Variants in HMX3 observed in about 807,000 individuals in gnomAD.
HMX3 encodes the protein H6 family homeobox 3.
Under a neutral mutation model 22.8 loss-of-function variants are expected in HMX3, and 8 were observed. The observed-to-expected ratio is 0.35, with a 90% CI of 0.21 to 0.63. HMX3 has a LOEUF of 0.63. Ranked by LOEUF, HMX3 falls within the 30% of genes least tolerant of loss-of-function variation. The pLI is 0.72. For synonymous variants in HMX3, 331 were observed against 250.9 expected (o/e 1.32, Z -3.02); for missense variants, 527 against 520.6 (o/e 1.01, Z -0.12).
Position 123,136,253 on chromosome 10 carries a change from C to A in HMX3, c.203C>A (p.Ala68Asp). 7.4e-7 allele frequency: 1 copy of A among 1,358,208 alleles called. No individual in the cohort carries two copies. Among genetic ancestry groups the A allele is most frequent in the Non-Finnish European group, 9.4e-7 (1 of 1,058,222 alleles). The allele number at this position is 1,358,208 out of a possible 1,614,324, so 84.1% of individuals were successfully genotyped here. A position where few individuals can be genotyped will look rare whatever the true frequency, so the allele number is the denominator to read the frequency against. Reference protein sequence around the residue: ...PASAAAAAAAAAAAAAKGALE... With the variant: ...PASAAAAAAADAAAAAKGALE... Reference sequence around the variant, plus strand: ...TCGGCTGCCGCCGCCGCCGCCGCTGCCGCTGCCGCGGCGGCCAAGGGGGCC... The same window carrying A: ...TCGGCTGCCGCCGCCGCCGCCGCTGACGCTGCCGCGGCGGCCAAGGGGGCC... The change falls in exon 1 of 2, where the codon GCC becomes GAC. Residue 68 changes from alanine (A) to aspartate (D), a missense_variant. Physicochemically the swap from Ala to Asp is moderately radical, Grantham distance 126. Coordinates refer to ENST00000357878, the MANE Select transcript of HMX3 (RefSeq NM_001105574.2). This position sits in a 1 kb window ranked among gnomAD's most constrained non-coding sequence, Gnocchi z 4.8.
rs900958653 is a variant in HMX3, at chr10:123,136,983, C to A, written c.401-75C>A. The A allele has an allele frequency of 6.9e-7, 1 of 1,459,362 alleles. No homozygotes were observed. Among genetic ancestry groups the A allele is most frequent in the Non-Finnish European group, 9.1e-7 (1 of 1,102,392 alleles). 90.4% of individuals were successfully genotyped at this position (1,459,362 alleles called of 1,614,324 possible). A position where few individuals can be genotyped will look rare whatever the true frequency, so the allele number is the denominator to read the frequency against. On this transcript the variant is annotated intron_variant, in intron 1 of 1. Coordinates refer to ENST00000357878, the MANE Select transcript of HMX3 (RefSeq NM_001105574.2). The surrounding 1 kb of genome is among the most constrained non-coding windows in gnomAD (Gnocchi z 4.8). ...GGAGGCCGGCGCGGGTTGAGCCTGC[C>A]GTCCCCAGGCGCCGGGCCTCGCTCA...
At position 123,137,947 on chromosome 10, in the gene HMX3, C is replaced by T. The variant is rs1029772259; in HGVS notation, c.*216C>T. Among the ~76,000 whole-genome samples the T allele has an allele frequency of 5.3e-5, 8 of 152,230 alleles. No individual in the cohort carries two copies. Among genetic ancestry groups the T allele is most frequent in the Non-Finnish European group, 1.2e-4 (8 of 68,044 alleles). ...CCCTAATGGATTGGAGGCGCTTCCCCTCTTACTTTTGGTTTTTGGCTTATA... is the reference window on the plus strand; with the variant it reads ...CCCTAATGGATTGGAGGCGCTTCCCTTCTTACTTTTGGTTTTTGGCTTATA... On this transcript the variant is annotated 3_prime_UTR_variant, in exon 2 of 2. Transcript: ENST00000357878. This position sits in a 1 kb window ranked among gnomAD's most constrained non-coding sequence, Gnocchi z 5.8.
chr10:123,137,683 C>T lies in HMX3; in HGVS notation c.1026C>T (p.Tyr342=). ...QPLLTFPHPV[Y]YSHPVVSSVP... ...TGCTCACCTTCCCGCACCCCGTCTA[C>T]TACTCGCACCCGGTGGTCTCTTCCG... Residue 342 remains tyrosine, a synonymous_variant, in exon 2 of 2, where the codon TAC becomes TAT. Coordinates refer to ENST00000357878, the MANE Select transcript of HMX3 (RefSeq NM_001105574.2). The surrounding 1 kb of genome is among the most constrained non-coding windows in gnomAD (Gnocchi z 5.8). The T allele has an allele frequency of 1.4e-6, 2 of 1,477,176 alleles. No homozygotes were observed. Among genetic ancestry groups the T allele is most frequent in the Non-Finnish European group, 1.8e-6 (2 of 1,121,590 alleles). 91.5% of individuals were successfully genotyped at this position (1,477,176 alleles called of 1,614,324 possible).
At position 123,136,088 on chromosome 10, in the gene HMX3, G is replaced by A. The variant is rs1844068627; in HGVS notation, c.38G>A (p.Ser13Asn). The A allele has an allele frequency of 7.1e-7, 1 of 1,403,364 alleles. No individual in the cohort carries two copies. Among genetic ancestry groups the A allele is most frequent in the East Asian group, 3.1e-5 (1 of 32,726 alleles). The allele number at this position is 1,403,364 out of a possible 1,614,324, so 86.9% of individuals were successfully genotyped here. Residue 13 changes from serine to asparagine, a missense_variant, in exon 1 of 2, where the codon AGC becomes AAC. Around this residue, in one of 3 missense-constraint regions of HMX3, gnomAD observed 386 missense variants for 337.8 expected, o/e 1.14. Coordinates refer to ENST00000357878, the MANE Select transcript of HMX3 (RefSeq NM_001105574.2). The surrounding 1 kb of genome is among the most constrained non-coding windows in gnomAD (Gnocchi z 4.8). ...EPGPDAAGTA[S>N]AQPQPPPPPP... is the part of the protein sequence containing the mutation. ...GGGCCGGACGCTGCCGGCACCGCCA[G>A]CGCACAGCCCCAACCGCCGCCGCCC...
Position 123,137,461 on chromosome 10 carries a change from G to C in HMX3, c.804G>C (p.Glu268Asp), listed in dbSNP as rs911374059. Reference sequence around the variant, plus strand: ...TGGCCGCGTCCCTGCACCTCACCGAGACGCAGGTCAAGATCTGGTTCCAGA... The same window carrying C: ...TGGCCGCGTCCCTGCACCTCACCGACACGCAGGTCAAGATCTGGTTCCAGA... Reference protein sequence around the residue: ...AGLAASLHLTETQVKIWFQNR... With the variant: ...AGLAASLHLTDTQVKIWFQNR... Residue 268 changes from glutamate (E) to aspartate (D), a missense_variant, in exon 2 of 2, where the codon GAG becomes GAC. Glu to Asp is a conservative substitution (Grantham distance 45, BLOSUM62 2). Around this residue, in one of 3 missense-constraint regions of HMX3, gnomAD observed 41 missense variants for 80.6 expected, o/e 0.51. Coordinates refer to ENST00000357878, the MANE Select transcript of HMX3 (RefSeq NM_001105574.2). This position sits in a 1 kb window ranked among gnomAD's most constrained non-coding sequence, Gnocchi z 5.8. The C allele has an allele frequency of 6.2e-7, 1 of 1,613,264 alleles. No homozygotes were observed. The highest frequency in any genetic ancestry group is 8.5e-7 in the Non-Finnish European group (1 of 1,179,912).
Position 123,136,300 on chromosome 10 carries a change from G to C in HMX3, c.250G>C (p.Ala84Pro). ...GGCCCTGGAGGGCGCCGCGGGCTTCGCGCTCTCGCAGGTGGGCGACCTGGC... is the reference window on the plus strand; with the variant it reads ...GGCCCTGGAGGGCGCCGCGGGCTTCCCGCTCTCGCAGGTGGGCGACCTGGC... The part of the protein sequence containing the change: ...KGALEGAAGF[A>P]LSQVGDLAFP... The change falls in exon 1 of 2, where the codon GCG becomes CCG. Residue 84 changes from alanine (A) to proline (P), a missense_variant. This residue lies in a region of HMX3 where 386 missense variants were observed against 337.8 expected (regional missense o/e 1.14). Transcript: ENST00000357878. The surrounding 1 kb of genome is among the most constrained non-coding windows in gnomAD (Gnocchi z 4.8). 6.5e-7 allele frequency: 1 copy of C among 1,536,976 alleles called. No individual in the cohort carries two copies. The highest frequency in any genetic ancestry group is 8.8e-7 in the Non-Finnish European group (1 of 1,142,558).
rs777077260 is a variant in HMX3 at position 123,137,694 on chromosome 10, C to G, written c.1037C>G (p.Pro346Arg). Residue 346 changes from proline (P) to arginine (R), a missense_variant, in exon 2 of 2, where the codon CCG (proline) becomes CGG (arginine). Physicochemically the swap from Pro to Arg is moderately radical, Grantham distance 103. Coordinates refer to ENST00000357878, the MANE Select transcript of HMX3 (RefSeq NM_001105574.2). The surrounding 1 kb of genome is among the most constrained non-coding windows in gnomAD (Gnocchi z 5.8). ...CCGCACCCCGTCTACTACTCGCACC[C>G]GGTGGTCTCTTCCGTGCCGCTGCTA... ...TFPHPVYYSH[P>R]VVSSVPLLRP... 4 of 1,469,278 alleles carry G rather than the reference C, an allele frequency of 2.7e-6. No homozygotes were observed. The highest frequency in any genetic ancestry group is 3.6e-6 in the Non-Finnish European group (4 of 1,117,710). The allele number at this position is 1,469,278 out of a possible 1,614,324, so 91.0% of individuals were successfully genotyped here. A position where few individuals can be genotyped will look rare whatever the true frequency, so the allele number is the denominator to read the frequency against.
chr10:123,136,474 C>T lies in HMX3; in HGVS notation c.400+24C>T. On this transcript the variant is annotated intron_variant, in intron 1 of 1. Transcript: ENST00000357878. The surrounding 1 kb of genome is among the most constrained non-coding windows in gnomAD (Gnocchi z 4.8). ...AGGTACCGACCTCTCTTTGAACTTT[C>T]GTTGTCCCCCTGCGCGCCCGCCCCG... 1 of 1,349,606 alleles carries T rather than the reference C, an allele frequency of 7.4e-7. No homozygotes were observed. The highest frequency in any genetic ancestry group is 9.6e-7 in the Non-Finnish European group (1 of 1,041,066). The allele number at this position is 1,349,606 out of a possible 1,614,324, so 83.6% of individuals were successfully genotyped here.
Position 123,136,334 on chromosome 10 carries a change from G to C in HMX3, c.284G>C (p.Arg95Pro), listed in dbSNP as rs765093715. The change falls in exon 1 of 2, where the codon CGC (arginine) becomes CCC (proline). Residue 95 changes from arginine (R) to proline (P), a missense_variant. By Grantham distance (103) the Arg-to-Pro change is moderately radical (BLOSUM62 -2). Coordinates refer to ENST00000357878, the MANE Select transcript of HMX3 (RefSeq NM_001105574.2). The surrounding 1 kb of genome is among the most constrained non-coding windows in gnomAD (Gnocchi z 4.8). The part of the protein sequence containing the change: ...LSQVGDLAFP[R>P]FEIPAQRFAL... ...CAGGTGGGCGACCTGGCTTTCCCTC[G>C]CTTTGAGATCCCGGCGCAGAGGTTT... 1.3e-6 allele frequency: 2 copies of C among 1,569,536 alleles called. No homozygotes were observed. Among genetic ancestry groups the C allele is most frequent in the East Asian group, 2.5e-5 (1 of 39,240 alleles).
chr10:123,138,946 G>T lies in HMX3; in HGVS notation c.*1215G>T, dbSNP rs1844109814. ...TGTTCTGCAGTAATTATTGTACGTT[G>T]ACCTGTGCAATATTGTACAAAATCT... On this transcript the variant is annotated 3_prime_UTR_variant, in exon 2 of 2. Transcript: ENST00000357878. Among the ~76,000 whole-genome samples the T allele has an allele frequency of 6.6e-6, 1 of 151,926 alleles. No homozygotes were observed. Among genetic ancestry groups the T allele is most frequent in the African/African-American group, 2.4e-5 (1 of 41,344 alleles).
chr10:123,136,205 C>G lies in HMX3; in HGVS notation c.155C>G (p.Pro52Arg). The G allele has an allele frequency of 2.2e-6, 3 of 1,382,626 alleles. No homozygotes were observed. The highest frequency in any genetic ancestry group is 2.8e-6 in the Non-Finnish European group (3 of 1,069,252). 85.6% of individuals were successfully genotyped at this position (1,382,626 alleles called of 1,614,324 possible). The part of the protein sequence containing the change: ...HRPPPKPQPP[P>R]RTLFAPASAA... The stretch of plus-strand genomic sequence containing the variant: ...CCGCCCCCTAAGCCTCAGCCGCCCC[C>G]ACGGACGCTCTTCGCGCCAGCCTCG... The change falls in exon 1 of 2, where the codon CCA becomes CGA. Residue 52 changes from proline (P) to arginine (R), a missense_variant. By Grantham distance (103) the Pro-to-Arg change is moderately radical (BLOSUM62 -2). Around this residue, in one of 3 missense-constraint regions of HMX3, gnomAD observed 386 missense variants for 337.8 expected, o/e 1.14. Transcript: ENST00000357878. The surrounding 1 kb of genome is among the most constrained non-coding windows in gnomAD (Gnocchi z 4.8).
At position 123,139,344 on chromosome 10, in the gene HMX3, A is replaced by AG. The variant is rs1164682203; in HGVS notation, c.*1614dup. ...GGTTGAGTCCCTTTTTAAGAAAAAG[A>AG]GAAAAAAAAAACCCACAAAATATTG... On this transcript the variant is annotated 3_prime_UTR_variant, in exon 2 of 2. Transcript: ENST00000357878. Among the ~76,000 whole-genome samples, 2 of 143,992 alleles carry AG rather than the reference A, an allele frequency of 1.4e-5. No individual in the cohort carries two copies. Among genetic ancestry groups the AG allele is most frequent in the Non-Finnish European group, 3.1e-5 (2 of 63,976 alleles). 94.5% of individuals were successfully genotyped at this position (143,992 alleles called of 152,430 possible).
In HMX3 at chr10:123,136,252, G is replaced by A; in HGVS notation, c.202G>A (p.Ala68Thr). The A allele has an allele frequency of 1.5e-6, 2 of 1,356,028 alleles. No homozygotes were observed. Among genetic ancestry groups the A allele is most frequent in the Non-Finnish European group, 9.5e-7 (1 of 1,057,226 alleles). The allele number at this position is 1,356,028 out of a possible 1,614,324, so 84.0% of individuals were successfully genotyped here. The change falls in exon 1 of 2, where the codon GCC (alanine) becomes ACC (threonine). Residue 68 changes from alanine to threonine, a missense_variant. Ala to Thr is a moderately conservative substitution (Grantham distance 58). Coordinates refer to ENST00000357878, the MANE Select transcript of HMX3 (RefSeq NM_001105574.2). The surrounding 1 kb of genome is among the most constrained non-coding windows in gnomAD (Gnocchi z 4.8). The stretch of plus-strand genomic sequence containing the variant: ...CTCGGCTGCCGCCGCCGCCGCCGCT[G>A]CCGCTGCCGCGGCGGCCAAGGGGGC... ...PASAAAAAAA[A>T]AAAAAKGALE...
Position 123,136,017 on chromosome 10 carries a change from C to G in HMX3, c.-34C>G. On this transcript the variant is annotated 5_prime_UTR_variant, in exon 1 of 2. Transcript: ENST00000357878. This position sits in a 1 kb window ranked among gnomAD's most constrained non-coding sequence, Gnocchi z 4.8. ...CGCCCCGCCGCCCGCCTGTCCCGCT[C>G]CCTCCCTCCCGGGGACCCGGAGGAG... is the stretch of plus-strand genomic sequence containing the variant. The G allele has an allele frequency of 7.5e-7, 1 of 1,328,380 alleles. No individual in the cohort carries two copies. Among genetic ancestry groups the G allele is most frequent in the Non-Finnish European group, 9.6e-7 (1 of 1,037,712 alleles). The allele number at this position is 1,328,380 out of a possible 1,614,324, so 82.3% of individuals were successfully genotyped here.
Position 123,137,357 on chromosome 10 carries a change from T to C in HMX3, c.700T>C (p.Phe234Leu). 6.2e-7 allele frequency: 1 copy of C among 1,613,156 alleles called. No homozygotes were observed. Among genetic ancestry groups the C allele is most frequent in the Non-Finnish European group, 8.5e-7 (1 of 1,179,880 alleles). The change falls in exon 2 of 2, where the codon TTC becomes CTC. Residue 234 changes from phenylalanine (F) to leucine (L), a missense_variant. Physicochemically the swap from Phe to Leu is conservative, Grantham distance 22 (BLOSUM62 0). Coordinates refer to ENST00000357878, the MANE Select transcript of HMX3 (RefSeq NM_001105574.2). The surrounding 1 kb of genome is among the most constrained non-coding windows in gnomAD (Gnocchi z 5.8). ...CCGCAAGAAGAAGACGCGCACAGTC[T>C]TCTCGCGCAGCCAGGTCTTCCAGCT... ...ACRKKKTRTV[F>L]SRSQVFQLES...
Position 123,138,151 on chromosome 10 carries a change from T to TTG in HMX3, c.*421_*422insGT, listed in dbSNP as rs1387374203. On this transcript the variant is annotated 3_prime_UTR_variant, in exon 2 of 2. Transcript: ENST00000357878. ...CCTCTAGTTTATTCTTTTCTGCTTTTTTTTTTTTTTCCGAGACGGAATCTT... is the reference window on the plus strand; with the variant it reads ...CCTCTAGTTTATTCTTTTCTGCTTTTTGTTTTTTTTTTCCGAGACGGAATCTT... Among the ~76,000 whole-genome samples, 9 of 149,776 alleles carry TTG rather than the reference T, an allele frequency of 6.0e-5. No homozygotes were observed. Among genetic ancestry groups the TTG allele is most frequent in the Non-Finnish European group, 1.3e-4 (9 of 67,278 alleles).
rs929225947 is a variant in HMX3 at position 123,138,112 on chromosome 10, G to C, written c.*381G>C. On this transcript the variant is annotated 3_prime_UTR_variant, in exon 2 of 2. Transcript: ENST00000357878. ...TTATTTTTATAGAAGGAAAATAAGC[G>C]CAAAACCTAAATCCCTCTAGTTTAT... Among the ~76,000 whole-genome samples, 1 of 149,688 alleles carries C rather than the reference G, an allele frequency of 6.7e-6. No homozygotes were observed. The highest frequency in any genetic ancestry group is 2.0e-4 in the East Asian group (1 of 5,112).
Position 123,138,306 on chromosome 10 carries a change from C to G in HMX3, c.*575C>G, listed in dbSNP as rs1456528864. ...CTGGGATTGCAGGTGTGTGCCACCA[C>G]GTCCGGCTAATTTTTGTATTTTTAG... On this transcript the variant is annotated 3_prime_UTR_variant, in exon 2 of 2. Transcript: ENST00000357878. Among the ~76,000 whole-genome samples, 1 of 151,990 alleles carries G rather than the reference C, an allele frequency of 6.6e-6. No individual in the cohort carries two copies. The highest frequency in any genetic ancestry group is 2.4e-5 in the African/African-American group (1 of 41,366).
Position 123,137,749 on chromosome 10 carries a change from G to C in HMX3, c.*18G>C. On this transcript the variant is annotated 3_prime_UTR_variant, in exon 2 of 2. Transcript: ENST00000357878. This position sits in a 1 kb window ranked among gnomAD's most constrained non-coding sequence, Gnocchi z 5.8. ...CGGTCTGAGGCCCCAGAGGGGTGGG[G>C]GAGGGAGCGCCCGGCCTCCTTGTCC... 1 of 1,414,136 alleles carries C rather than the reference G, an allele frequency of 7.1e-7. No homozygotes were observed. Among genetic ancestry groups the C allele is most frequent in the Non-Finnish European group, 9.2e-7 (1 of 1,089,370 alleles). 87.6% of individuals were successfully genotyped at this position (1,414,136 alleles called of 1,614,324 possible).
Sources: gnomAD v4.1 joint callset for allele counts (sites outside exome capture counted in the v4.1 genomes callset) on GRCh38, gnomAD v4.1.1 for gene constraint, gnomAD v4.1.1 regional missense constraint, Gnocchi (gnomAD v3.1) non-coding constraint, MANE v1.5 for transcripts, NCBI Gene and HGNC (gene_info 2026-07-23, HGNC 2026-07-21) for gene names.